NLGN1: variants seen among roughly 807,000 people sequenced by gnomAD.
The protein encoded by NLGN1 is neuroligin-1.
A neutral mutation model predicts 65.5 loss-of-function variants in NLGN1; 12 were observed. That is an observed-to-expected ratio of 0.18 (90% CI 0.12 to 0.30). The LOEUF is 0.30. NLGN1 is among the 10% of genes least tolerant of loss of function. The pLI, the probability that NLGN1 is intolerant of heterozygous loss-of-function variation, is 1.00. For synonymous variants in NLGN1, 350 were observed against 359.5 expected, an observed-to-expected ratio of 0.97 and a Z score of 0.30; for missense variants, 750 against 1,007.1, an observed-to-expected ratio of 0.74 and a Z score of 3.46.
intron 4 of NLGN1, among the ~76,000 whole-genome samples, chr3:173,885,673 A>G (rs935477052): frequency 1.3e-5 from 2 of 152,156 alleles, no homozygotes; most frequent in African/African-American, 2.4e-5. Context: ...CACCATAATC[A>G]ATTCACTAAA....
intron 3 of NLGN1, among the ~76,000 whole-genome samples, chr3:173,630,696 A>C (rs184569009): frequency 3.3e-5 from 5 of 152,212 alleles, no homozygotes; most frequent in African/African-American, 1.2e-4. Context: ...CTTCAATGAC[A>C]TCTCTTACTA....
At chr3:174,270,596 A>T (rs1749215282) in intron 4 of NLGN1, among the ~76,000 whole-genome samples, 1 of 151,878 alleles carries the variant, frequency 6.6e-6, no homozygotes, top group African/African-American at 2.4e-5. Flanking sequence ...AATATTTTTC[A>T]TAGGTGAGTA....
intron 3 of NLGN1, among the ~76,000 whole-genome samples, chr3:173,768,053 A>G (rs539949810): frequency 3.3e-5 from 5 of 152,120 alleles, no homozygotes; most frequent in African/African-American, 9.6e-5. Flanking sequence ...ATTGATTTCT[A>G]TTTTTTTCTA....
intron 3 of NLGN1, among the ~76,000 whole-genome samples, chr3:173,627,203 C>T (rs981246784): frequency 2.0e-5 from 3 of 152,066 alleles, no homozygotes; most frequent in Non-Finnish European, 4.4e-5. Flanking sequence ...TGACCATCTT[C>T]CCATTCCTCC....
intron 3 of NLGN1, among the ~76,000 whole-genome samples, chr3:173,719,797 T>C (rs539084474): frequency 5.3e-5 from 8 of 152,248 alleles, no homozygotes; most frequent in African/African-American, 1.9e-4. Flanking sequence ...AAACTGGCTG[T>C]AGATTTTGAG....
intron 3 of NLGN1, among the ~76,000 whole-genome samples, chr3:173,738,172 G>A (rs1440180067): frequency 6.6e-6 from 1 of 151,588 alleles, no homozygotes; most frequent in African/African-American, 2.4e-5. Context: ...TACATGATTT[G>A]CAAATATTTT....
chr3:174,201,422 G>A (rs999000082), intron 4 of NLGN1, among the ~76,000 whole-genome samples: 2 of 151,950 alleles, frequency 1.3e-5, no homozygotes, highest in Admixed American at 1.3e-4. Context: ...AAAAGAAATT[G>A]GGCCCTGTTT....
intron 3 of NLGN1, among the ~76,000 whole-genome samples, chr3:173,792,826 T>A (rs1423658643): frequency 3.3e-5 from 5 of 152,164 alleles, no homozygotes; most frequent in African/African-American, 4.8e-5. Context: ...ACTGCGTTTT[T>A]AAAAATGTAT....
At chr3:174,276,437 G>A (rs1750598799) in intron 5 of NLGN1, among the ~76,000 whole-genome samples, 2 of 151,680 alleles carry the variant, frequency 1.3e-5, no homozygotes, top group South Asian at 4.1e-4. Flanking sequence ...TAGGAAGACA[G>A]ATAATATATA....
intron 4 of NLGN1, among the ~76,000 whole-genome samples, chr3:174,044,883 G>T (rs112206344): frequency 6.6e-6 from 1 of 152,042 alleles, no homozygotes; most frequent in African/African-American, 2.4e-5. Flanking sequence ...ATCTTATAAG[G>T]GGTTTCCCCC....
At chr3:174,080,328 CAGA>C (rs1243362219) in intron 4 of NLGN1, among the ~76,000 whole-genome samples, 10 of 152,084 alleles carry the variant, frequency 6.6e-5, no homozygotes, top group Non-Finnish European at 1.3e-4. Flanking sequence ...AGGCATAGGG[CAGA>C]AGGAGAGACT....
chr3:174,171,604 GGCT>G, intron 4 of NLGN1, among the ~76,000 whole-genome samples: 1 of 152,094 alleles, frequency 6.6e-6, no homozygotes, highest in African/African-American at 2.4e-5. Flanking sequence ...TTCCTTCTGA[GGCT>G]GCTAATAAAA....
At chr3:173,852,758 C>G (rs1727221278) in intron 4 of NLGN1, among the ~76,000 whole-genome samples, 1 of 152,028 alleles carries the variant, frequency 6.6e-6, no homozygotes, top group African/African-American at 2.4e-5. Flanking sequence ...TTTCTATATT[C>G]TAGTGGAGCT....
chr3:173,884,920 T>C (rs989827330), intron 4 of NLGN1, among the ~76,000 whole-genome samples: 4 of 152,096 alleles, frequency 2.6e-5, no homozygotes, highest in Non-Finnish European at 1.5e-5. Flanking sequence ...AAATGCTGCG[T>C]CCTCACATGG....
At chr3:174,072,474 G>T (rs1740104146) in intron 4 of NLGN1, among the ~76,000 whole-genome samples, 1 of 152,120 alleles carries the variant, frequency 6.6e-6, no homozygotes, top group African/African-American at 2.4e-5. Context: ...AATAAGATTG[G>T]AAAATATAGA....
intron 3 of NLGN1, among the ~76,000 whole-genome samples, chr3:173,763,893 A>G (rs1778372992): frequency 6.6e-6 from 1 of 152,192 alleles, no homozygotes; most frequent in Non-Finnish European, 1.5e-5. Flanking sequence ...CCTTTCACAC[A>G]TCAAGCATAC....
At chr3:173,518,067 C>G (rs192087909) in intron 2 of NLGN1, among the ~76,000 whole-genome samples, 191 of 152,242 alleles carry the variant, frequency 1.3e-3, no homozygotes, top group African/African-American at 4.3e-3. Context: ...AAAGGTTTTA[C>G]TAAGTTGTCT....
intron 1 of NLGN1, among the ~76,000 whole-genome samples, chr3:173,409,165 G>A (rs1030332759): frequency 5.9e-5 from 9 of 152,044 alleles, no homozygotes; most frequent in Admixed American, 2.0e-4. Context: ...GGAATAATTT[G>A]TTAGAGTGTT....
rs187876038 is a variant in NLGN1, at chr3:173,763,826, A to G, written c.494-43854A>G. ...AAAAAGAAGAAAAAAGCATTTTCAA[A>G]GTGAGGAAACAATATGAGGAATGTT... On this transcript the variant is annotated intron_variant, in intron 3 of 6. Transcript: ENST00000457714. Among the ~76,000 whole-genome samples the G allele has an allele frequency of 3.1e-3, 472 of 152,280 alleles. 7 individuals carry two copies. Among genetic ancestry groups the G allele is most frequent in the African/African-American group, 0.01 (435 of 41,582 alleles).
Sources: gnomAD v4.1 joint callset for allele counts (sites outside exome capture counted in the v4.1 genomes callset) on GRCh38, gnomAD v4.1.1 for gene constraint, MANE v1.5 for transcripts, NCBI Gene and HGNC (gene_info 2026-07-23, HGNC 2026-07-21) for gene names.